PDGFC: variants seen among roughly 807,000 people sequenced by gnomAD.
PDGFC encodes platelet-derived growth factor C.
A neutral mutation model predicts 35.5 loss-of-function variants in PDGFC; 12 were observed. The observed-to-expected ratio is 0.34, with a 90% CI of 0.22 to 0.55. PDGFC has a LOEUF of 0.55. PDGFC is among the 20% of genes least tolerant of loss of function. The pLI is 0.91. For missense variants in PDGFC, 322 were observed against 412.4 expected (o/e 0.78, Z 1.90); for synonymous variants, 159 against 148.8 (o/e 1.07, Z -0.50).
chr4:156,858,970 C>T lies in PDGFC; in HGVS notation c.119-8554G>A, dbSNP rs183856959. Among the ~76,000 whole-genome samples, 484 of 152,128 alleles carry T rather than the reference C, an allele frequency of 3.2e-3. 4 individuals carry two copies. Among genetic ancestry groups the T allele is most frequent in the African/African-American group, 0.011 (468 of 41,550 alleles). On this transcript the variant is annotated intron_variant, in intron 1 of 5. Coordinates refer to ENST00000502773, the MANE Select transcript of PDGFC (RefSeq NM_016205.3). Reference sequence around the variant, plus strand: ...TACCTATTACTTTGTGAGCATACAACATCTAGATAAAGTACTGACATTTTG... The same window carrying T: ...TACCTATTACTTTGTGAGCATACAATATCTAGATAAAGTACTGACATTTTG...
chr4:156,793,588 T>C (rs1731358063), intron 3 of PDGFC, among the ~76,000 whole-genome samples: 1 of 148,964 alleles, frequency 6.7e-6, no homozygotes, highest in Non-Finnish European at 1.5e-5. Flanking sequence ...GTTATATGTG[T>C]GTGTATACAT....
chr4:156,824,301 TATATATATATATATATATATATATATAC>T (rs1452614890), intron 2 of PDGFC, among the ~76,000 whole-genome samples: 40 of 37,902 alleles, frequency 1.1e-3, no homozygotes, highest in South Asian at 3.3e-3. Context: ...TATATATATA[TATATATATATATATATATATATATATAC>T]ACACACACAC....
intron 1 of PDGFC, among the ~76,000 whole-genome samples, chr4:156,905,147 A>T: frequency 6.6e-6 from 1 of 152,100 alleles, no homozygotes; most frequent in Admixed American, 6.6e-5. Context: ...TCATCTTGAG[A>T]TAGGCTTAGA....
At chr4:156,848,978 C>T (rs566405502) in intron 2 of PDGFC, among the ~76,000 whole-genome samples, 9 of 152,028 alleles carry the variant, frequency 5.9e-5, no homozygotes, top group African/African-American at 1.9e-4. Context: ...TCATTAGCAT[C>T]CACAAAAGGG....
At chr4:156,768,064 T>C (rs1386226173) in intron 4 of PDGFC, 74 bp from the exon 5 acceptor site, 2 of 859,574 alleles carry the variant, frequency 2.3e-6, no homozygotes, top group Non-Finnish European at 3.9e-6. Flanking sequence ...ATTAAGCTCT[T>C]TTCATAAAGA....
At chr4:156,874,414 T>C (rs1160755657) in intron 1 of PDGFC, among the ~76,000 whole-genome samples, 1 of 151,996 alleles carries the variant, frequency 6.6e-6, no homozygotes, top group South Asian at 2.1e-4. Flanking sequence ...AGCCTCTCCT[T>C]TGAGAGGCTT....
intron 2 of PDGFC, among the ~76,000 whole-genome samples, chr4:156,833,262 C>T (rs192816750): frequency 2.0e-5 from 3 of 152,296 alleles, no homozygotes; most frequent in Admixed American, 6.5e-5. Flanking sequence ...TTAAAAGGTT[C>T]GCTGAGGCAG....
chr4:156,946,419 T>C (rs76847696), intron 1 of PDGFC, among the ~76,000 whole-genome samples: 1 of 152,194 alleles, frequency 6.6e-6, no homozygotes, highest in African/African-American at 2.4e-5. Context: ...CATTTATCAA[T>C]AAAAATTATA....
intron 1 of PDGFC, among the ~76,000 whole-genome samples, chr4:156,906,798 T>A (rs1475867334): frequency 6.6e-6 from 1 of 152,156 alleles, no homozygotes; most frequent in Admixed American, 6.6e-5. Flanking sequence ...TAAAAGTTAA[T>A]CATACGTTTC....
At chr4:156,824,793 C>G (rs530994646) in intron 2 of PDGFC, among the ~76,000 whole-genome samples, 1 of 152,146 alleles carries the variant, frequency 6.6e-6, no homozygotes, top group Admixed American at 6.5e-5. Context: ...ATTCATAGTC[C>G]TCTCTCTTCT....
At chr4:156,799,423 G>C (rs1234035677) in intron 3 of PDGFC, among the ~76,000 whole-genome samples, 1 of 152,122 alleles carries the variant, frequency 6.6e-6, no homozygotes, top group Non-Finnish European at 1.5e-5. Flanking sequence ...TTAGTCCTTA[G>C]ATTTGTGTTT....
At chr4:156,843,274 G>T (rs1579049760) in intron 2 of PDGFC, among the ~76,000 whole-genome samples, 1 of 152,140 alleles carries the variant, frequency 6.6e-6, no homozygotes, top group South Asian at 2.1e-4. Context: ...GTCCTCCATC[G>T]CCAGATACAC....
At chr4:156,784,255 G>A (rs1354505840) in intron 3 of PDGFC, among the ~76,000 whole-genome samples, 1 of 152,178 alleles carries the variant, frequency 6.6e-6, no homozygotes, top group Non-Finnish European at 1.5e-5. Flanking sequence ...TTAGACCAAT[G>A]GCCAAGGCAC....
At chr4:156,794,137 C>A (rs1332784125) in intron 3 of PDGFC, among the ~76,000 whole-genome samples, 1 of 152,124 alleles carries the variant, frequency 6.6e-6, no homozygotes, top group East Asian at 1.9e-4. Context: ...CCTGAGATAA[C>A]TTTAAACCGT....
At position 156,762,978 on chromosome 4, in the gene PDGFC, G is replaced by C; in HGVS notation, c.*112C>G. On this transcript the variant is annotated 3_prime_UTR_variant, in exon 6 of 6. Transcript: ENST00000502773. ...TGCACTGTAAATCCTGAAGATGAAA[G>C]GTCCTTGAAGCAAACAACTGAGATT... The C allele has an allele frequency of 1.6e-6, 1 of 642,284 alleles. No homozygotes were observed. The highest frequency in any genetic ancestry group is 2.9e-6 in the Non-Finnish European group (1 of 344,066). 39.8% of individuals were successfully genotyped at this position (642,284 alleles called of 1,614,324 possible).
intron 3 of PDGFC, chr4:156,778,128 A>C: frequency 7.7e-6 from 2 of 258,766 alleles, no homozygotes; most frequent in South Asian, 6.4e-5. Context: ...AAAAAAATAA[A>C]AAATAAGGCA....
At chr4:156,945,021 G>T (rs1218263195) in intron 1 of PDGFC, among the ~76,000 whole-genome samples, 1 of 151,756 alleles carries the variant, frequency 6.6e-6, no homozygotes, top group Admixed American at 6.6e-5. Flanking sequence ...TCAGCCCTCG[G>T]TGACTTATTT....
intron 2 of PDGFC, among the ~76,000 whole-genome samples, chr4:156,849,953 G>C (rs1729412891): frequency 6.6e-6 from 1 of 151,878 alleles, no homozygotes; most frequent in African/African-American, 2.4e-5. Context: ...ATTTTAAATG[G>C]TTTTATTCCA....
intron 1 of PDGFC, among the ~76,000 whole-genome samples, chr4:156,964,992 T>C (rs1732431944): frequency 6.6e-6 from 1 of 152,116 alleles, no homozygotes; most frequent in African/African-American, 2.4e-5. Context: ...CTTCAGAAAA[T>C]GTAAGGCTAT....
Sources: gnomAD v4.1 joint callset for allele counts (sites outside exome capture counted in the v4.1 genomes callset) on GRCh38, gnomAD v4.1.1 for gene constraint, MANE v1.5 for transcripts, NCBI Gene and HGNC (gene_info 2026-07-23, HGNC 2026-07-21) for gene names.